The following CCDC30 variants were observed in gnomAD, a reference collection of about 807,000 sequenced individuals.
CCDC30 encodes the protein coiled-coil domain containing 30.
Under a neutral mutation model 100.2 loss-of-function variants are expected in CCDC30, and 70 were observed. The observed-to-expected ratio is 0.70, with a 90% CI of 0.58 to 0.85. The LOEUF is 0.85. Among genes scored for constraint, CCDC30 ranks in the 40% least tolerant of loss-of-function variants. The pLI is 0.00. For synonymous variants in CCDC30, 233 were observed against 269.5 expected (o/e 0.86, Z 1.33); for missense variants, 652 against 771.2 (o/e 0.85, Z 1.83).
In CCDC30 at chr1:42,615,375, G is replaced by A. The variant is rs562002547; in HGVS notation, c.1277+4285G>A. On this transcript the variant is annotated intron_variant, in intron 11 of 16. Transcript: ENST00000668663. ...TGCAGTGGCCTGATCTTGGCTCACC[G>A]CAACCTCTACCTCCCAGGCTCAAGC... 5.3e-5 allele frequency among the ~76,000 whole-genome samples: 8 copies of A among 152,190 alleles called. No individual in the cohort carries two copies. In the South Asian group the frequency reaches 8.3e-4, roughly 16 times the overall value.
intron 7 of CCDC30, among the ~76,000 whole-genome samples, chr1:42,570,566 A>G (rs2148572760): frequency 6.6e-6 from 1 of 152,188 alleles, no homozygotes; most frequent in South Asian, 2.1e-4. Context: ...TCCCCATCAT[A>G]ATCCCATCAC....
chr1:42,650,630 A>C (rs954553668), intron 15 of CCDC30, among the ~76,000 whole-genome samples: 1 of 151,910 alleles, frequency 6.6e-6, no homozygotes, highest in African/African-American at 2.4e-5. Context: ...GCTTAAAAAC[A>C]AACCCACACA....
At chr1:42,561,337 C>G (rs546222981) in intron 6 of CCDC30, among the ~76,000 whole-genome samples, 1 of 152,136 alleles carries the variant, frequency 6.6e-6, no homozygotes, top group Admixed American at 6.6e-5. Flanking sequence ...ATCACATAAA[C>G]GGAACCAAAG....
rs1160467 is a variant in CCDC30 at position 42,504,430 on chromosome 1, G to A, written c.456+5514G>A. On this transcript the variant is annotated intron_variant, in intron 6 of 16. Coordinates refer to ENST00000668663, the Ensembl canonical transcript of CCDC30. Reference sequence around the variant, plus strand: ...TTCTCACTACTTTCTGCAGAAAAGGGGTGCCCTGTGGAGAACACCAGCTGG... The same window carrying A: ...TTCTCACTACTTTCTGCAGAAAAGGAGTGCCCTGTGGAGAACACCAGCTGG... 8.2e-3 allele frequency among the ~76,000 whole-genome samples: 1,241 copies of A among 152,210 alleles called. 12 individuals carry two copies. The highest frequency in any genetic ancestry group is 0.027 in the African/African-American group (1,124 of 41,516).
At chr1:42,487,710 C>G (rs1461892677) in intron 3 of CCDC30, among the ~76,000 whole-genome samples, 1 of 152,166 alleles carries the variant, frequency 6.6e-6, no homozygotes, top group Non-Finnish European at 1.5e-5. Context: ...GGGCAGCCTC[C>G]AAGAGCCAAG....
chr1:42,549,315 T>C (rs1645203271), intron 6 of CCDC30, among the ~76,000 whole-genome samples: 1 of 152,202 alleles, frequency 6.6e-6, no homozygotes, highest in Non-Finnish European at 1.5e-5. Context: ...TTTTCACAAA[T>C]GAGGTCTCTG....
chr1:42,524,756 AC>A (rs1644699528), intron 6 of CCDC30, among the ~76,000 whole-genome samples: 1 of 152,310 alleles, frequency 6.6e-6, no homozygotes, highest in South Asian at 2.1e-4. Flanking sequence ...ATAGAAATTA[AC>A]AGCAATTTAC....
the CCDC30 span, chr1:42,456,723 C>G: frequency 6.2e-7 from 1 of 1,609,410 alleles, no homozygotes; most frequent in Non-Finnish European, 8.5e-7. Flanking sequence ...GAAGCGCGGC[C>G]GGTGCGCTTC....
chr1:42,537,514 T>A (rs900262012), intron 6 of CCDC30: 1 of 343,412 alleles, frequency 2.9e-6, no homozygotes, highest in African/African-American at 2.2e-5. Context: ...ACCTCCCACT[T>A]TGACTTCAAG....
chr1:42,581,591 CAG>C lies in CCDC30; in HGVS notation c.1001+79_1001+80del, dbSNP rs1224876976. 111 of 1,335,234 alleles carry C rather than the reference CAG, an allele frequency of 8.3e-5. No homozygotes were observed. The African/African-American group carries it at 1.2e-3, about 14-fold the overall frequency. 82.7% of individuals were successfully genotyped at this position (1,335,234 alleles called of 1,614,324 possible). A position where few individuals can be genotyped will look rare whatever the true frequency, so the allele number is the denominator to read the frequency against. ...AATCAGCAATATCAATTTTTTCTAA[CAG>C]AATATCAGAGAGTATTTCTGCTCTG... is the stretch of plus-strand genomic sequence containing the variant. On this transcript the variant is annotated intron_variant, in intron 9 of 16. Coordinates refer to ENST00000668663, the Ensembl canonical transcript of CCDC30.
chr1:42,610,057 C>G (rs572497642), intron 10 of CCDC30, among the ~76,000 whole-genome samples: 88 of 152,316 alleles, frequency 5.8e-4, no homozygotes, highest in African/African-American at 2.0e-3. Context: ...GTAATTAAAT[C>G]CCCAAGTTGG....
the CCDC30 span, chr1:42,456,607 C>T: frequency 2.0e-6 from 3 of 1,523,958 alleles, no homozygotes; most frequent in African/African-American, 1.4e-5. Context: ...CCCAGCCTCC[C>T]GGTGCTGCGC....
chr1:42,610,885 T>G (rs1010208740), intron 10 of CCDC30, 93 bp from the exon 15 acceptor site: 1 of 46,358 alleles, frequency 2.2e-5, no homozygotes, highest in Non-Finnish European at 5.2e-5. Flanking sequence ...GACTATAAGC[T>G]TTTTTTTTTT....
At chr1:42,605,780 C>A (rs1444857056) in intron 10 of CCDC30, among the ~76,000 whole-genome samples, 1 of 152,122 alleles carries the variant, frequency 6.6e-6, no homozygotes, top group Non-Finnish European at 1.5e-5. Flanking sequence ...AGCCACTGCA[C>A]CTGGCCCAAA....
chr1:42,523,581 C>T (rs896021068), intron 6 of CCDC30, among the ~76,000 whole-genome samples: 4 of 151,968 alleles, frequency 2.6e-5, no homozygotes, highest in Admixed American at 2.6e-4. Flanking sequence ...TCTCTGAGCC[C>T]ATCTTATTTC....
rs189430258 is a variant in CCDC30 at position 42,472,120 on chromosome 1, G to T, written c.-92+8222G>T. Among the ~76,000 whole-genome samples, 381 of 152,116 alleles carry T rather than the reference G, an allele frequency of 2.5e-3. 5 individuals carry two copies. The highest frequency in any genetic ancestry group is 1.2e-3 in the Non-Finnish European group (81 of 67,996). ...AATACAAAAATTAGCCAGGTGTGGT[G>T]GCACACACCTGTAATCCCAGCTACT... On this transcript the variant is annotated intron_variant, in intron 1 of 16. Transcript: ENST00000668663.
At chr1:42,536,438 T>C in intron 6 of CCDC30, 38 bp from the exon 7 acceptor site, 2 of 1,291,694 alleles carry the variant, frequency 1.5e-6, no homozygotes, top group Non-Finnish European at 2.2e-6. Context: ...AACACTGCTA[T>C]TATATATAAA....
intron 6 of CCDC30, among the ~76,000 whole-genome samples, chr1:42,536,180 T>C (rs1258964992): frequency 2.6e-5 from 4 of 152,140 alleles, no homozygotes; most frequent in African/African-American, 9.7e-5. Context: ...TTTGGAAAGA[T>C]TTCAATACTG....
intron 1 of CCDC30, among the ~76,000 whole-genome samples, chr1:42,469,018 A>T (rs2148437177): frequency 6.6e-6 from 1 of 151,952 alleles, no homozygotes; most frequent in African/African-American, 2.4e-5. Context: ...CACAGAACAG[A>T]ATTAAAAAAA....
Sources: gnomAD v4.1 joint callset for allele counts (sites outside exome capture counted in the v4.1 genomes callset) on GRCh38, gnomAD v4.1.1 for gene constraint, MANE v1.5 for transcripts, NCBI Gene and HGNC (gene_info 2026-07-23, HGNC 2026-07-21) for gene names.